The following MYO9B variants were observed in gnomAD, a reference collection of about 807,000 sequenced individuals.
MYO9B encodes the protein unconventional myosin-IXb.
MYO9B carries 71 observed loss-of-function variants against 229.5 expected under a neutral mutation model. The observed-to-expected ratio is 0.31, with a 90% CI of 0.26 to 0.38. The LOEUF (loss-of-function observed/expected upper bound fraction) is 0.38, where lower values mean the gene tolerates loss of function less well. Ranked by LOEUF, MYO9B falls within the 10% of genes least tolerant of loss-of-function variation. The pLI is 1.00. For missense variants in MYO9B, 2,255 were observed against 2,920.5 expected, an observed-to-expected ratio of 0.77 and a Z score of 5.25; for synonymous variants, 1,185 against 1,235.8, an observed-to-expected ratio of 0.96 and a Z score of 0.86.
chr19:17,176,655 C>T (rs1210997747), intron 14 of MYO9B, among the ~76,000 whole-genome samples: 1 of 152,072 alleles, frequency 6.6e-6, no homozygotes, highest in Non-Finnish European at 1.5e-5. Context: ...ATTTTATGGC[C>T]TAGGGTGGGC....
chr19:17,094,699 T>C (rs532626866), intron 1 of MYO9B, among the ~76,000 whole-genome samples: 1 of 152,302 alleles, frequency 6.6e-6, no homozygotes, highest in East Asian at 1.9e-4. Flanking sequence ...CCCAGCACTT[T>C]GGGAGGCTGA....
In MYO9B at chr19:17,211,856, C is replaced by T. The variant is rs761583825; in HGVS notation, c.6059-39C>T. 24 of 1,602,360 alleles carry T rather than the reference C, an allele frequency of 1.5e-5. No individual in the cohort carries two copies. The South Asian group carries it at 2.0e-4, about 13-fold the overall frequency. ...GGGCGAGGGTCCTCCGGCTGCCGGCCCTGAAGCTGCAGTAACCCTGCCATC... is the reference window on the plus strand; with the variant it reads ...GGGCGAGGGTCCTCCGGCTGCCGGCTCTGAAGCTGCAGTAACCCTGCCATC... On this transcript the variant is annotated intron_variant, in intron 39 of 39. Coordinates refer to ENST00000682292, the MANE Select transcript of MYO9B (RefSeq NM_004145.4).
intron 30 of MYO9B, among the ~76,000 whole-genome samples, chr19:17,203,840 G>T (rs974581617): frequency 6.6e-6 from 1 of 151,884 alleles, no homozygotes; most frequent in Non-Finnish European, 1.5e-5. Context: ...CTGCTCCACC[G>T]CCTGAACCAT....
chr19:17,129,403 A>C (rs528177871), intron 2 of MYO9B, among the ~76,000 whole-genome samples: 1 of 152,286 alleles, frequency 6.6e-6, no homozygotes, highest in South Asian at 2.1e-4. Context: ...CAGTTTCAAC[A>C]ACAACAACAA....
Position 17,200,400 on chromosome 19 carries a change from C to A in MYO9B, c.4346C>A (p.Ala1449Asp), listed in dbSNP as rs369074383. ...NAVSGHVVLE[A>D]TTMKKGLEAP... ...GTGTCCGGGCACGTGGTGCTGGAAG[C>A]CACCACCATGAAGAAGGGCCTGGAA... Residue 1449 changes from alanine (A) to aspartate (D), a missense_variant, in exon 25 of 40, where the codon GCC (alanine) becomes GAC (aspartate). Coordinates refer to ENST00000682292, the MANE Select transcript of MYO9B (RefSeq NM_004145.4). 260 of 1,591,422 alleles carry A rather than the reference C, an allele frequency of 1.6e-4. No homozygotes were observed. Among genetic ancestry groups the A allele is most frequent in the Non-Finnish European group, 2.2e-4 (253 of 1,168,566 alleles).
At chr19:17,167,732 G>A (rs2072676147) in intron 10 of MYO9B, among the ~76,000 whole-genome samples, 1 of 152,080 alleles carries the variant, frequency 6.6e-6, no homozygotes, top group African/African-American at 2.4e-5. Context: ...ACCTGCCTTG[G>A]CCTCCCAAAG....
chr19:17,129,069 C>T (rs116042670), intron 2 of MYO9B, among the ~76,000 whole-genome samples: 2,284 of 152,164 alleles, frequency 0.015, 64 homozygotes, highest in African/African-American at 0.05. Flanking sequence ...GGGGTGGAGG[C>T]TTCACCCAGA....
At position 17,113,854 on chromosome 19, in the gene MYO9B, G is replaced by A. The variant is rs184446544; in HGVS notation, c.840+11297G>A. ...GGGCAGGGCAAACCCCAGAGGCGAC[G>A]AGAAAGCAGAATAAGCCATCATATA... On this transcript the variant is annotated intron_variant, in intron 2 of 39. Coordinates refer to ENST00000682292, the MANE Select transcript of MYO9B (RefSeq NM_004145.4). 3.1e-4 allele frequency among the ~76,000 whole-genome samples: 47 copies of A among 152,240 alleles called. No individual in the cohort carries two copies. The Middle Eastern group carries it at 0.017, about 55-fold the overall frequency.
At chr19:17,107,870 CA>C (rs1350285351) in intron 2 of MYO9B, among the ~76,000 whole-genome samples, 3 of 152,202 alleles carry the variant, frequency 2.0e-5, no homozygotes, top group East Asian at 3.9e-4. Flanking sequence ...GTCACATACA[CA>C]GTTTCTGGGG....
chr19:17,189,714 C>G (rs1350493958), intron 19 of MYO9B, among the ~76,000 whole-genome samples: 1 of 152,078 alleles, frequency 6.6e-6, no homozygotes, highest in African/African-American at 2.4e-5. Context: ...GGTTCCCAGC[C>G]ACCTCGACCA....
intron 2 of MYO9B, among the ~76,000 whole-genome samples, chr19:17,132,880 G>A (rs752702806): frequency 4.2e-5 from 6 of 144,044 alleles, no homozygotes; most frequent in African/African-American, 1.0e-4. Context: ...ACGGAGTCTC[G>A]CTCTGTCACC....
rs1158264426 is a variant in MYO9B at position 17,090,131 on chromosome 19, T to C, written c.-58-11529T>C. ...GGTGCTTCCTTCCTTTTTTTTTTTT[T>C]TTTTTTTTTTTTTTTTTTTTTTTTT... is the stretch of plus-strand genomic sequence containing the variant. On this transcript the variant is annotated intron_variant, in intron 1 of 39. Transcript: ENST00000682292. Among the ~76,000 whole-genome samples the C allele has an allele frequency of 6.6e-3, 276 of 41,810 alleles. 1 individual carries two copies. Among genetic ancestry groups the C allele is most frequent in the Admixed American group, 0.015 (48 of 3,224 alleles). 27.4% of individuals were successfully genotyped at this position (41,810 alleles called of 152,430 possible).
At chr19:17,192,703 CAG>C in intron 20 of MYO9B, 41 bp from the exon 21 acceptor site, 4 of 1,473,938 alleles carry the variant, frequency 2.7e-6, no homozygotes, top group Non-Finnish European at 3.6e-6. Flanking sequence ...GAGATGGTGT[CAG>C]GGGCAGTGCA....
chr19:17,091,291 T>A (rs1430714144), intron 1 of MYO9B, among the ~76,000 whole-genome samples: 2 of 152,254 alleles, frequency 1.3e-5, no homozygotes, highest in Non-Finnish European at 2.9e-5. Context: ...AGTGGCATGA[T>A]CACAGCTCAC....
At chr19:17,202,748 G>A in intron 28 of MYO9B, 94 bp from the exon 29 acceptor site, 2 of 1,294,292 alleles carry the variant, frequency 1.5e-6, no homozygotes, top group Non-Finnish European at 2.2e-6. Flanking sequence ...GGAGGGTTCA[G>A]GGTACCCACA....
chr19:17,187,806 C>T (rs7250808), intron 18 of MYO9B, 129 bp from the exon 19 acceptor site: 1 of 730,228 alleles, frequency 1.4e-6, no homozygotes, highest in African/African-American at 1.7e-5. Context: ...CTGTGTTCGG[C>T]ATCCCAAGAG....
Position 17,209,669 on chromosome 19 carries a change from G to C in MYO9B, c.5708G>C (p.Ser1903Thr), listed in dbSNP as rs1021442416. The C allele has an allele frequency of 6.2e-7, 1 of 1,613,218 alleles. No individual in the cohort carries two copies. The highest frequency in any genetic ancestry group is 8.5e-7 in the Non-Finnish European group (1 of 1,179,582). The change falls in exon 36 of 40, where the codon AGT becomes ACT. Residue 1903 changes from serine to threonine, a missense_variant. By Grantham distance (58) the Ser-to-Thr change is moderately conservative (BLOSUM62 1). Transcript: ENST00000682292. ...ATCAGCCAACTGGAGGCTGCAGAGA[G>C]TATCGCCTTCCGCAGGCTTTCGCTC... ...EEISQLEAAESIAFRRLSLLR... is the reference protein window; with the variant it reads ...EEISQLEAAETIAFRRLSLLR...
chr19:17,170,670 A>AAAAAAC (rs1568283598), intron 11 of MYO9B, among the ~76,000 whole-genome samples: 1 of 113,090 alleles, frequency 8.8e-6, no homozygotes, highest in Non-Finnish European at 1.7e-5. Context: ...AAAAAAAAAA[A>AAAAAAC]AAAACTAGCT....
chr19:17,126,724 G>T (rs545273471), intron 2 of MYO9B, among the ~76,000 whole-genome samples: 1 of 150,290 alleles, frequency 6.7e-6, no homozygotes, highest in Non-Finnish European at 1.5e-5. Context: ...GAATGCAGTG[G>T]TGCGATCTCA....
Sources: allele counts gnomAD v4.1 joint callset (sites outside exome capture counted in the v4.1 genomes callset), GRCh38; gene constraint gnomAD v4.1.1; transcripts MANE v1.5; gene names NCBI Gene and HGNC (gene_info 2026-07-23, HGNC 2026-07-21).